Variants in PLAGL1 observed in about 807,000 individuals in gnomAD.
The protein encoded by PLAGL1 is zinc finger protein PLAGL1.
Under a neutral mutation model 4.6 loss-of-function variants are expected in PLAGL1, and 1 was observed. The observed-to-expected ratio is 0.22, with a 90% CI of 0.08 to 1.03. PLAGL1 has a LOEUF of 1.03. Among genes scored for constraint, PLAGL1 ranks in the 50% least tolerant of loss-of-function variants. PLAGL1 has a pLI of 0.58. For synonymous variants in PLAGL1, 240 were observed against 237.8 expected (o/e 1.01, Z -0.08); for missense variants, 464 against 570.4 (o/e 0.81, Z 1.90).
At position 143,971,769 on chromosome 6, in the gene PLAGL1, C is replaced by T. The variant is rs897535997; in HGVS notation, c.-543-2791G>A. On this transcript the variant is annotated intron_variant, in intron 2 of 7. Transcript: ENST00000674357. This position sits in a 1 kb window ranked among gnomAD's most constrained non-coding sequence, Gnocchi z 4.7. The stretch of plus-strand genomic sequence containing the variant: ...CTTTTGCTATTATTTAACATTACAT[C>T]ATAGAATTAAATCATGTAAAATGGC... 4.6e-5 allele frequency among the ~76,000 whole-genome samples: 7 copies of T among 152,212 alleles called. No homozygotes were observed. The highest frequency in any genetic ancestry group is 1.7e-4 in the African/African-American group (7 of 41,458).
In PLAGL1 at chr6:144,048,450, T is replaced by C. The variant is rs1312670014; in HGVS notation, c.-151+16018A>G. On this transcript the variant is annotated intron_variant, in intron 1 of 3. Transcript: ENST00000437412. This position sits in a 1 kb window ranked among gnomAD's most constrained non-coding sequence, Gnocchi z 4.8. ...CTGCAGGAGACTTCTGCCTGGACATTCAGGCATTTCCATACATCCTTTGAA... is the reference window on the plus strand; with the variant it reads ...CTGCAGGAGACTTCTGCCTGGACATCCAGGCATTTCCATACATCCTTTGAA... Among the ~76,000 whole-genome samples the C allele has an allele frequency of 6.6e-6, 1 of 152,200 alleles. No individual in the cohort carries two copies. Among genetic ancestry groups the C allele is most frequent in the Non-Finnish European group, 1.5e-5 (1 of 68,018 alleles).
rs998180383 is a variant in PLAGL1, at chr6:143,997,133, C to T, written c.-584+10957G>A. ...CCATGAGATATCACCTCAAACCCAC[C>T]AGAGGGCTTAAAGCGAAAAAGACTA... On this transcript the variant is annotated intron_variant, in intron 1 of 7. Coordinates refer to ENST00000674357, the MANE Select transcript of PLAGL1 (RefSeq NM_001317162.2). The surrounding 1 kb of genome is among the most constrained non-coding windows in gnomAD (Gnocchi z 4.6). Among the ~76,000 whole-genome samples the T allele has an allele frequency of 6.6e-6, 1 of 152,172 alleles. No individual in the cohort carries two copies. The highest frequency in any genetic ancestry group is 1.5e-5 in the Non-Finnish European group (1 of 68,038).
At position 143,975,419 on chromosome 6, in the gene PLAGL1, G is replaced by C. The variant is rs1786295171; in HGVS notation, c.-543-6441C>G. 6.6e-6 allele frequency among the ~76,000 whole-genome samples: 1 copy of C among 152,066 alleles called. No homozygotes were observed. The highest frequency in any genetic ancestry group is 1.5e-5 in the Non-Finnish European group (1 of 68,010). On this transcript the variant is annotated intron_variant, in intron 2 of 7. Coordinates refer to ENST00000674357, the MANE Select transcript of PLAGL1 (RefSeq NM_001317162.2). This position sits in a 1 kb window ranked among gnomAD's most constrained non-coding sequence, Gnocchi z 5.8. ...CCTTAGTTTCCCTATTTGTAAAAGA[G>C]GAATAATAACCTCACAGGGTTTGTG... is the stretch of plus-strand genomic sequence containing the variant.
rs373888344 is a variant in PLAGL1, at chr6:143,944,629, A to G, written c.153-1966T>C. Among the ~76,000 whole-genome samples, 5 of 152,298 alleles carry G rather than the reference A, an allele frequency of 3.3e-5. No individual in the cohort carries two copies. In the South Asian group the frequency reaches 1.0e-3, roughly 32 times the overall value. Reference sequence around the variant, plus strand: ...GCTGGTGTTTCCACGTTCTAGGTCTATCTAAATAAATGCACAGGTTGGAGA... The same window carrying G: ...GCTGGTGTTTCCACGTTCTAGGTCTGTCTAAATAAATGCACAGGTTGGAGA... On this transcript the variant is annotated intron_variant, in intron 7 of 7. Transcript: ENST00000674357.
At chr6:144,031,340 G>A (rs1211853201) in intron 1 of PLAGL1, among the ~76,000 whole-genome samples, 1 of 152,162 alleles carries the variant, frequency 6.6e-6, no homozygotes, top group African/African-American at 2.4e-5. Context: ...CTATGTGGAA[G>A]CTTTTTAGTT....
chr6:144,044,629 G>A (rs1410927339), intron 1 of PLAGL1, among the ~76,000 whole-genome samples: 1 of 152,188 alleles, frequency 6.6e-6, no homozygotes, highest in African/African-American at 2.4e-5. Flanking sequence ...GCAATGTGGT[G>A]CTGAGAAGAA....
At chr6:144,040,990 G>A (rs574692653) in intron 1 of PLAGL1, among the ~76,000 whole-genome samples, 1 of 152,266 alleles carries the variant, frequency 6.6e-6, no homozygotes, top group South Asian at 2.1e-4. Flanking sequence ...AGAGAATATA[G>A]TAGTTAGAAA....
chr6:144,037,823 A>C (rs1797367283), intron 1 of PLAGL1: 1 of 152,232 alleles, frequency 6.6e-6, no homozygotes, highest in African/African-American at 2.4e-5. Flanking sequence ...GTACATAGAA[A>C]TGTACACAGT....
intron 7 of PLAGL1, among the ~76,000 whole-genome samples, chr6:143,943,562 C>T (rs1779116377): frequency 6.6e-6 from 1 of 151,772 alleles, no homozygotes; most frequent in South Asian, 2.1e-4. Flanking sequence ...TCATTCAATG[C>T]TTGACTATCA....
rs976265626 is a variant in PLAGL1, at chr6:143,950,674, G to A, written c.-324-2214C>T. 1.3e-5 allele frequency among the ~76,000 whole-genome samples: 2 copies of A among 152,184 alleles called. No individual in the cohort carries two copies. The highest frequency in any genetic ancestry group is 4.8e-5 in the African/African-American group (2 of 41,452). On this transcript the variant is annotated intron_variant, in intron 6 of 7. Transcript: ENST00000674357. The surrounding 1 kb of genome is among the most constrained non-coding windows in gnomAD (Gnocchi z 6.3). ...GCCCCTTCAGAGAAGGAGCTGCTTTGTTGGGGAAGGTTTTACATTTCTCTC... is the reference window on the plus strand; with the variant it reads ...GCCCCTTCAGAGAAGGAGCTGCTTTATTGGGGAAGGTTTTACATTTCTCTC...
At chr6:144,049,883 G>A (rs189176698) in intron 1 of PLAGL1, among the ~76,000 whole-genome samples, 16 of 152,256 alleles carry the variant, frequency 1.1e-4, no homozygotes, top group Admixed American at 2.0e-4. Context: ...TTCGTGCTGC[G>A]TAGCTTCTGA....
At chr6:144,046,655 C>T (rs1162149240) in intron 1 of PLAGL1, among the ~76,000 whole-genome samples, 1 of 152,216 alleles carries the variant, frequency 6.6e-6, no homozygotes, top group Non-Finnish European at 1.5e-5. Flanking sequence ...CAGGGACCCA[C>T]TTGAGGAGGC....
At chr6:144,044,682 T>C (rs1163735737) in intron 1 of PLAGL1, among the ~76,000 whole-genome samples, 1 of 152,202 alleles carries the variant, frequency 6.6e-6, no homozygotes, top group Non-Finnish European at 1.5e-5. Context: ...TGTAGATGTC[T>C]ATTAGGTCCG....
chr6:143,956,748 A>G (rs997002673), intron 6 of PLAGL1, among the ~76,000 whole-genome samples: 2 of 152,240 alleles, frequency 1.3e-5, no homozygotes, highest in Non-Finnish European at 2.9e-5. Context: ...AACGTTCTCA[A>G]CTGAAACAGG....
rs2128504300 is a variant in PLAGL1 at position 143,942,278 on chromosome 6, C to T, written c.538G>A (p.Gly180Arg). The change falls in exon 8 of 8, where the codon GGA (glycine) becomes AGA (arginine). Residue 180 changes from glycine to arginine, a missense_variant. Transcript: ENST00000674357. This position sits in a 1 kb window ranked among gnomAD's most constrained non-coding sequence, Gnocchi z 7.6. ...DVRRHLVVHT[G>R]CKDFLCQFCA... The stretch of plus-strand genomic sequence containing the variant: ...AACTGGCACAGGAAGTCCTTGCATC[C>T]TGTGTGGACCACCAGGTGGCGTCGC... 1.2e-6 allele frequency: 2 copies of T among 1,614,102 alleles called. No homozygotes were observed. Among genetic ancestry groups the T allele is most frequent in the East Asian group, 4.5e-5 (2 of 44,874 alleles).
rs891865552 is a variant in PLAGL1, at chr6:143,968,715, T to G, written c.-472+192A>C. ...TAATCCCCCAACCTTATTTTCCCCC[T>G]CAAGGCCTGAAGTTCCTCAAATGTA... On this transcript the variant is annotated intron_variant, in intron 3 of 7. Coordinates refer to ENST00000674357, the MANE Select transcript of PLAGL1 (RefSeq NM_001317162.2). This position sits in a 1 kb window ranked among gnomAD's most constrained non-coding sequence, Gnocchi z 6.3. The G allele has an allele frequency of 3.3e-5, 5 of 152,236 alleles. No homozygotes were observed. The highest frequency in any genetic ancestry group is 7.3e-5 in the Non-Finnish European group (5 of 68,092). 9.4% of individuals were successfully genotyped at this position (152,236 alleles called of 1,614,324 possible). A position where few individuals can be genotyped will look rare whatever the true frequency, so the allele number is the denominator to read the frequency against.
intron 1 of PLAGL1, among the ~76,000 whole-genome samples, chr6:143,991,100 T>C (rs1287531947): frequency 2.0e-5 from 3 of 152,222 alleles, no homozygotes; most frequent in African/African-American, 7.2e-5. Context: ...GGGGCATCAC[T>C]CTGACAGATG....
rs909111157 is a variant in PLAGL1, at chr6:143,968,184, C to T, written c.-472+723G>A. 3 of 152,082 alleles carry T rather than the reference C, an allele frequency of 2.0e-5. No homozygotes were observed. Among genetic ancestry groups the T allele is most frequent in the African/African-American group, 7.2e-5 (3 of 41,394 alleles). 9.4% of individuals were successfully genotyped at this position (152,082 alleles called of 1,614,324 possible). A position where few individuals can be genotyped will look rare whatever the true frequency, so the allele number is the denominator to read the frequency against. ...GAAATTTAAGGCTGGGATTTGGAATCATTATCTTGAAATAGGCAGTTCAAA... is the reference window on the plus strand; with the variant it reads ...GAAATTTAAGGCTGGGATTTGGAATTATTATCTTGAAATAGGCAGTTCAAA... On this transcript the variant is annotated intron_variant, in intron 3 of 7. Coordinates refer to ENST00000674357, the MANE Select transcript of PLAGL1 (RefSeq NM_001317162.2). This position sits in a 1 kb window ranked among gnomAD's most constrained non-coding sequence, Gnocchi z 6.3.
In PLAGL1 at chr6:144,055,732, A is replaced by G. The variant is rs1480853005; in HGVS notation, c.-151+8736T>C. 6.6e-6 allele frequency among the ~76,000 whole-genome samples: 1 copy of G among 152,214 alleles called. No homozygotes were observed. Among genetic ancestry groups the G allele is most frequent in the Non-Finnish European group, 1.5e-5 (1 of 68,034 alleles). ...CACAGTTGTCAGAGATATAAATCATAACTACAGGTGCCTTTAGGAAAGTGA... is the reference window on the plus strand; with the variant it reads ...CACAGTTGTCAGAGATATAAATCATGACTACAGGTGCCTTTAGGAAAGTGA... On this transcript the variant is annotated intron_variant, in intron 1 of 3. Transcript: ENST00000437412. This position sits in a 1 kb window ranked among gnomAD's most constrained non-coding sequence, Gnocchi z 5.0.
Sources: allele counts gnomAD v4.1 joint callset (sites outside exome capture counted in the v4.1 genomes callset), GRCh38; gene constraint gnomAD v4.1.1; non-coding constraint Gnocchi (gnomAD v3.1); transcripts MANE v1.5; gene names NCBI Gene and HGNC (gene_info 2026-07-23, HGNC 2026-07-21).